Variants in PCSK5 observed in about 807,000 individuals in gnomAD.
PCSK5 encodes prohormone convertase 5.
PCSK5 carries 129 observed loss-of-function variants against 233.2 expected under a neutral mutation model. That is an observed-to-expected ratio of 0.55 (90% CI 0.48 to 0.64). PCSK5 has a LOEUF of 0.64. PCSK5 is among the 30% of genes least tolerant of loss of function. The pLI is 0.00. For missense variants in PCSK5, 2,076 were observed against 2,430.1 expected, an observed-to-expected ratio of 0.85 and a Z score of 3.06; for synonymous variants, 825 against 879.2, an observed-to-expected ratio of 0.94 and a Z score of 1.09.
chr9:76,157,085 C>T lies in PCSK5; in HGVS notation c.1353C>T (p.Ala451=). 6.2e-7 allele frequency: 1 copy of T among 1,613,820 alleles called. No homozygotes were observed. Among genetic ancestry groups the T allele is most frequent in the Non-Finnish European group, 8.5e-7 (1 of 1,179,868 alleles). The stretch of plus-strand genomic sequence containing the variant: ...GATTTGGACTGATGGACGCAGAAGC[C>T]ATGGTGATGGAGGCAGAGAAGTGGA... ...LYGFGLMDAE[A]MVMEAEKWTT... The change falls in exon 11 of 38, where the codon GCC becomes GCT. Residue 451 remains alanine (A), a synonymous_variant. Transcript: ENST00000674117.
At chr9:76,332,028 A>G (rs1829551213) in intron 33 of PCSK5, among the ~76,000 whole-genome samples, 1 of 152,212 alleles carries the variant, frequency 6.6e-6, no homozygotes, top group African/African-American at 2.4e-5. Flanking sequence ...CCCCCTAGTT[A>G]ACCAGATACA....
intron 24 of PCSK5, among the ~76,000 whole-genome samples, chr9:76,285,631 A>T (rs1828038612): frequency 6.6e-6 from 1 of 152,066 alleles, no homozygotes; most frequent in African/African-American, 2.4e-5. Context: ...ATAAGATAGG[A>T]GCACCCTAAA....
rs770309587 is a variant in PCSK5, at chr9:76,338,300, C to T, written c.4819C>T (p.Arg1607Trp). Residue 1607 changes from arginine to tryptophan, a missense_variant, in exon 35 of 38, where the codon CGG becomes TGG. Physicochemically the swap from Arg to Trp is moderately radical, Grantham distance 101. This residue lies in a region of PCSK5 where 1,510 missense variants were observed against 1,538.1 expected (regional missense o/e 0.98). Coordinates refer to ENST00000674117, the MANE Select transcript of PCSK5 (RefSeq NM_001372043.1). ...NRSCKGCQGP[R>W]PTDCLSCDRF... ...GAGCTGCAAGGGGTGCCAGGGCCCACGGCCCACAGACTGCCTGTCTTGCGA... is the reference window on the plus strand; with the variant it reads ...GAGCTGCAAGGGGTGCCAGGGCCCATGGCCCACAGACTGCCTGTCTTGCGA... 90 of 1,612,066 alleles carry T rather than the reference C, an allele frequency of 5.6e-5. No individual in the cohort carries two copies. Among genetic ancestry groups the T allele is most frequent in the Non-Finnish European group, 6.8e-5 (80 of 1,179,364 alleles).
chr9:75,921,161 G>A (rs1348686352), intron 1 of PCSK5, among the ~76,000 whole-genome samples: 1 of 152,134 alleles, frequency 6.6e-6, no homozygotes, highest in African/African-American at 2.4e-5. Context: ...AATTAGAACA[G>A]TAGTTCTTCA....
intron 10 of PCSK5, among the ~76,000 whole-genome samples, chr9:76,150,355 C>T (rs1823619970): frequency 6.6e-6 from 1 of 152,108 alleles, no homozygotes; most frequent in Admixed American, 6.6e-5. Flanking sequence ...ACCAGGCAGC[C>T]GGGCGCAGTG....
chr9:76,321,078 T>C (rs774717202), intron 30 of PCSK5, among the ~76,000 whole-genome samples: 11 of 151,820 alleles, frequency 7.2e-5, no homozygotes, highest in Non-Finnish European at 1.3e-4. Flanking sequence ...CCTCCCAAAG[T>C]GCTGGGATTA....
At chr9:76,078,536 C>A (rs1437312427) in intron 7 of PCSK5, among the ~76,000 whole-genome samples, 1 of 152,122 alleles carries the variant, frequency 6.6e-6, no homozygotes, top group Non-Finnish European at 1.5e-5. Flanking sequence ...AATAGGGAGT[C>A]CTTTCTCTAT....
intron 3 of PCSK5, among the ~76,000 whole-genome samples, chr9:76,012,815 C>T (rs72733293): frequency 0.039 from 5,922 of 152,228 alleles, 163 homozygotes; most frequent in Non-Finnish European, 0.055. Context: ...TCTTAAGAAA[C>T]CCTACCTCTT....
intron 27 of PCSK5, among the ~76,000 whole-genome samples, chr9:76,297,252 CT>C (rs1727415054): frequency 1.3e-5 from 2 of 152,196 alleles, no homozygotes; most frequent in African/African-American, 4.8e-5. Flanking sequence ...ATTACATGTC[CT>C]TTTTACAGTA....
At chr9:76,111,642 C>G (rs571824706) in intron 9 of PCSK5, among the ~76,000 whole-genome samples, 40 of 151,938 alleles carry the variant, frequency 2.6e-4, no homozygotes, top group African/African-American at 9.4e-4. Flanking sequence ...AACATGTAAC[C>G]AGTGATTATA....
intron 1 of PCSK5, among the ~76,000 whole-genome samples, chr9:75,923,017 G>A (rs754869207): frequency 5.3e-5 from 8 of 152,288 alleles, no homozygotes; most frequent in South Asian, 2.1e-4. Context: ...TAGTGAGGGC[G>A]AGGAGGTGAG....
chr9:76,216,779 G>A (rs989869435), intron 20 of PCSK5, among the ~76,000 whole-genome samples: 14 of 152,166 alleles, frequency 9.2e-5, no homozygotes, highest in African/African-American at 2.9e-4. Context: ...TTCTTAAGGG[G>A]TCCCTGAAGA....
intron 13 of PCSK5, among the ~76,000 whole-genome samples, chr9:76,174,493 G>A (rs1823485531): frequency 6.6e-6 from 1 of 151,730 alleles, no homozygotes; most frequent in Admixed American, 6.6e-5. Flanking sequence ...TGTATTTTTA[G>A]TAGAGACGGA....
chr9:75,896,726 A>G (rs1015212836), intron 1 of PCSK5, among the ~76,000 whole-genome samples: 1 of 152,238 alleles, frequency 6.6e-6, no homozygotes. Flanking sequence ...ATATATACAC[A>G]TATACTTATA....
chr9:76,038,345 G>A (rs1828952350), intron 5 of PCSK5, among the ~76,000 whole-genome samples: 1 of 152,164 alleles, frequency 6.6e-6, no homozygotes, highest in African/African-American at 2.4e-5. Flanking sequence ...GTCTCTAGCA[G>A]TTGCCTCGGT....
At chr9:76,287,269 G>T (rs1828107337) in intron 24 of PCSK5, 1 of 226,500 alleles carries the variant, frequency 4.4e-6, no homozygotes, top group South Asian at 7.9e-5. Context: ...CACCCAGAAG[G>T]AGCAAATGTG....
intron 37 of PCSK5, among the ~76,000 whole-genome samples, chr9:76,356,070 C>T (rs1033067963): frequency 5.3e-5 from 8 of 152,160 alleles, no homozygotes; most frequent in African/African-American, 1.9e-4. Context: ...TTTCAGCTTT[C>T]CCACCCCCAC....
At chr9:76,006,161 C>G (rs781196027) in intron 3 of PCSK5, among the ~76,000 whole-genome samples, 23 of 152,154 alleles carry the variant, frequency 1.5e-4, no homozygotes, top group Non-Finnish European at 2.8e-4. Flanking sequence ...TTTGCCCCAA[C>G]TCTTTATTCT....
At chr9:76,126,059 A>C (rs1832837570) in intron 9 of PCSK5, among the ~76,000 whole-genome samples, 1 of 152,208 alleles carries the variant, frequency 6.6e-6, no homozygotes, top group Admixed American at 6.5e-5. Flanking sequence ...AGACAATGAA[A>C]AAGAAAGTTA....
Sources: allele counts gnomAD v4.1 joint callset (sites outside exome capture counted in the v4.1 genomes callset), GRCh38; gene constraint gnomAD v4.1.1; regional missense constraint gnomAD v4.1.1; transcripts MANE v1.5; gene names NCBI Gene and HGNC (gene_info 2026-07-23, HGNC 2026-07-21).